The following DCX variants were observed in gnomAD, a reference collection of about 807,000 sequenced individuals.
DCX encodes doublecortin, also known as neuronal migration protein doublecortin.
In DCX, 4 loss-of-function variants were observed where a neutral mutation model predicts 20.9. The observed-to-expected ratio is 0.19, with a 90% CI of 0.09 to 0.44. The LOEUF (loss-of-function observed/expected upper bound fraction) is 0.44. Ranked by LOEUF, DCX falls within the 20% of genes least tolerant of loss-of-function variation. The pLI, the probability that DCX is intolerant of heterozygous loss-of-function variation, is 0.99. For synonymous variants in DCX, 103 were observed against 111.4 expected (o/e 0.92, Z 0.47); for missense variants, 133 against 296.9 (o/e 0.45, Z 4.06).
chrX:111,384,672 C>A (rs1386815241), intron 3 of DCX, among the ~76,000 whole-genome samples: 2 of 111,853 alleles, frequency 1.8e-5, no homozygotes, highest in Non-Finnish European at 3.8e-5. Flanking sequence ...AAGAAAGTCA[C>A]TAAAAATTGG....
At chrX:111,408,666 G>GAAAT (rs1261444830) in intron 2 of DCX, among the ~76,000 whole-genome samples, 2 of 107,973 alleles carry the variant, frequency 1.9e-5, no homozygotes, top group African/African-American at 6.8e-5. Flanking sequence ...AAGAAAGAAA[G>GAAAT]AAAGAAAGAA....
intron 3 of DCX, among the ~76,000 whole-genome samples, chrX:111,338,993 C>T (rs1227180298): frequency 1.8e-5 from 2 of 111,214 alleles, no homozygotes; most frequent in African/African-American, 6.5e-5. Flanking sequence ...AACCCATCAG[C>T]AACACTGGAT....
In DCX at chrX:111,316,087, A is replaced by T. The variant is rs1356668748; in HGVS notation, c.947-3351T>A. ...TAAAACTTAGAGTATAATAAAAAAT[A>T]AAAAAAAAAAAAAAAAAAAAAAATG... is the stretch of plus-strand genomic sequence containing the variant. On this transcript the variant is annotated intron_variant, in intron 5 of 6. Coordinates refer to ENST00000636035, the MANE Select transcript of DCX (RefSeq NM_001195553.2). Among the ~76,000 whole-genome samples, 313 of 45,392 alleles carry T rather than the reference A, an allele frequency of 6.9e-3. 1 individual carries two copies. Among genetic ancestry groups the T allele is most frequent in the Middle Eastern group, 0.024 (2 of 85 alleles). The allele number at this position is 45,392 out of a possible 115,157, so 39.4% of individuals were successfully genotyped here.
In DCX at chrX:111,331,000, G is replaced by A; in HGVS notation, c.850C>T (p.Pro284Ser). 1 of 1,211,702 alleles carries A rather than the reference G, an allele frequency of 8.3e-7. No homozygotes were observed. The highest frequency in any genetic ancestry group is 3.0e-5 in the East Asian group (1 of 33,832). ...MKGNPSATAGPKASPTPQKTS... is the reference protein window; with the variant it reads ...MKGNPSATAGSKASPTPQKTS... Reference sequence around the variant, plus strand: ...TTCTGAGGTGTTGGGGATGCCTTTGGGCCAGCTGTGGCTGATGGGTTTCCC... The same window carrying A: ...TTCTGAGGTGTTGGGGATGCCTTTGAGCCAGCTGTGGCTGATGGGTTTCCC... The change falls in exon 5 of 7, where the codon CCA becomes TCA. Residue 284 changes from proline to serine, a missense_variant. Physicochemically the swap from Pro to Ser is moderately conservative, Grantham distance 74. Coordinates refer to ENST00000636035, the MANE Select transcript of DCX (RefSeq NM_001195553.2).
chrX:111,303,320 C>T (rs1206514448), intron 6 of DCX, among the ~76,000 whole-genome samples: 1 of 110,036 alleles, frequency 9.1e-6, no homozygotes. Context: ...ATTCTGTGGC[C>T]ACTTAAGAGC....
At chrX:111,401,368 T>C (rs1225074644) in intron 2 of DCX, 38 bp from the exon 3 acceptor site, 79 of 1,091,880 alleles carry the variant, frequency 7.2e-5, no homozygotes, top group Non-Finnish European at 9.9e-5. Context: ...ATTAGTTTAA[T>C]AGCAGATATA....
intron 3 of DCX, among the ~76,000 whole-genome samples, chrX:111,358,424 A>G (rs1390411871): frequency 8.9e-6 from 1 of 111,851 alleles, no homozygotes; most frequent in African/African-American, 3.2e-5. Flanking sequence ...AGAGTTGCTT[A>G]TCCTGGAAGT....
chrX:111,314,130 GGTTGGTAA>G lies in DCX; in HGVS notation c.947-1402_947-1395del, dbSNP rs772182260. ...GAGATGGAAGAGACATCAGTGTAGTGGTTGGTAAGTTTATTTAAGCGCAAGTGAGCTGA... is the reference window on the plus strand; with the variant it reads ...GAGATGGAAGAGACATCAGTGTAGTGGTTTATTTAAGCGCAAGTGAGCTGA... On this transcript the variant is annotated intron_variant, in intron 5 of 6. Coordinates refer to ENST00000636035, the MANE Select transcript of DCX (RefSeq NM_001195553.2). Among the ~76,000 whole-genome samples the G allele has an allele frequency of 4.8e-3, 535 of 111,708 alleles. 3 individuals carry two copies. The highest frequency in any genetic ancestry group is 9.3e-3 in the Middle Eastern group (2 of 216).
intron 3 of DCX, among the ~76,000 whole-genome samples, chrX:111,365,075 A>C (rs1456162414): frequency 9.4e-6 from 1 of 106,373 alleles, no homozygotes; most frequent in Non-Finnish European, 1.9e-5. Flanking sequence ...TATTATTATT[A>C]TTATTATTAT....
At chrX:111,324,960 G>T (rs1337718968) in intron 5 of DCX, among the ~76,000 whole-genome samples, 2 of 111,612 alleles carry the variant, frequency 1.8e-5, no homozygotes, top group African/African-American at 6.5e-5. Context: ...TATACTGCTT[G>T]CTCCAATCAT....
intron 5 of DCX, among the ~76,000 whole-genome samples, chrX:111,324,594 G>T (rs1219007187): frequency 9.0e-6 from 1 of 111,576 alleles, no homozygotes; most frequent in Non-Finnish European, 1.9e-5. Flanking sequence ...CTGCAAAATG[G>T]GGATAATAGT....
At chrX:111,362,083 A>G (rs1169443938) in intron 3 of DCX, among the ~76,000 whole-genome samples, 1 of 111,303 alleles carries the variant, frequency 9.0e-6, no homozygotes, top group Non-Finnish European at 1.9e-5. Flanking sequence ...GGACAGAGGT[A>G]TAAGGCCTTT....
At chrX:111,368,405 G>A (rs887344218) in intron 3 of DCX, among the ~76,000 whole-genome samples, 6 of 111,744 alleles carry the variant, frequency 5.4e-5, no homozygotes, top group African/African-American at 1.9e-4. Context: ...AGTCTGAGTG[G>A]CCTGATCTAA....
rs756858755 is a variant in DCX at position 111,382,537 on chromosome X, A to T, written c.705+18453T>A. Among the ~76,000 whole-genome samples, 8 of 112,053 alleles carry T rather than the reference A, an allele frequency of 7.1e-5. 1 individual carries two copies. Among genetic ancestry groups the T allele is most frequent in the African/African-American group, 2.6e-4 (8 of 30,901 alleles). On this transcript the variant is annotated intron_variant, in intron 3 of 6. Transcript: ENST00000636035. ...TGAATGGCAAATGAGCCCAGCAGAG[A>T]AGCATTTTACTAGGGCTTTGAATGG...
At chrX:111,390,835 C>A (rs1569496325) in intron 3 of DCX, among the ~76,000 whole-genome samples, 1 of 109,284 alleles carries the variant, frequency 9.2e-6, no homozygotes, top group Non-Finnish European at 1.9e-5. Context: ...CCTGTCTCTA[C>A]AAAAAATACA....
intron 3 of DCX, among the ~76,000 whole-genome samples, chrX:111,337,672 C>T (rs1159644093): frequency 8.9e-6 from 1 of 112,186 alleles, no homozygotes; most frequent in East Asian, 2.8e-4. Context: ...ATTTCACTTA[C>T]CTAACTATTC....
intron 3 of DCX, among the ~76,000 whole-genome samples, chrX:111,371,782 G>A (rs994352176): frequency 2.7e-5 from 3 of 111,024 alleles, no homozygotes; most frequent in African/African-American, 9.8e-5. Flanking sequence ...ATAACCTAAA[G>A]TGGTTTGATT....
Position 111,325,209 on chromosome X carries a change from C to G in DCX, c.946+5695G>C, listed in dbSNP as rs185070405. Among the ~76,000 whole-genome samples, 9 of 111,493 alleles carry G rather than the reference C, an allele frequency of 8.1e-5. No homozygotes were observed. The East Asian group carries it at 1.7e-3, about 21-fold the overall frequency. ...AAATGACACAGACACCAACCCACCC[C>G]TTGCCTTTCCACCTCCCTAGCCTGG... On this transcript the variant is annotated intron_variant, in intron 5 of 6. Coordinates refer to ENST00000636035, the MANE Select transcript of DCX (RefSeq NM_001195553.2).
At chrX:111,339,453 A>AT (rs1192222240) in intron 3 of DCX, among the ~76,000 whole-genome samples, 1 of 111,518 alleles carries the variant, frequency 9.0e-6, no homozygotes, top group Non-Finnish European at 1.9e-5. Context: ...GTGATGCCCT[A>AT]TACCACCTCA....
Sources: allele counts gnomAD v4.1 joint callset (sites outside exome capture counted in the v4.1 genomes callset), GRCh38; gene constraint gnomAD v4.1.1; transcripts MANE v1.5; gene names NCBI Gene and HGNC (gene_info 2026-07-23, HGNC 2026-07-21).